Variants in CADM2 observed in about 807,000 individuals in gnomAD.
CADM2 encodes cell adhesion molecule 2, also known as immunoglobulin superfamily member 4D.
A neutral mutation model predicts 49.8 loss-of-function variants in CADM2; 12 were observed. That is an observed-to-expected ratio of 0.24 (90% CI 0.15 to 0.39). The LOEUF is 0.39. CADM2 is among the 10% of genes least tolerant of loss of function. CADM2 has a pLI of 1.00. For missense variants in CADM2, 378 were observed against 492.3 expected (o/e 0.77, Z 2.20); for synonymous variants, 214 against 175.4 (o/e 1.22, Z -1.74).
At chr3:84,988,829 T>C (rs1157425831) in intron 1 of CADM2, among the ~76,000 whole-genome samples, 1 of 152,204 alleles carries the variant, frequency 6.6e-6, no homozygotes, top group Non-Finnish European at 1.5e-5. Context: ...ACCTATAAAC[T>C]GTTTATTTAC....
chr3:85,624,043 A>G (rs2107499116), intron 1 of CADM2, among the ~76,000 whole-genome samples: 1 of 152,268 alleles, frequency 6.6e-6, no homozygotes, highest in South Asian at 2.1e-4. Context: ...ACTTTAAAAT[A>G]AAATATTCAT....
intron 1 of CADM2, among the ~76,000 whole-genome samples, chr3:85,238,516 A>G (rs1307416740): frequency 6.6e-6 from 1 of 151,918 alleles, no homozygotes; most frequent in Non-Finnish European, 1.5e-5. Flanking sequence ...CCCTTGGGAT[A>G]ATCTGTCTTT....
At chr3:85,977,309 A>G (rs1726914119) in intron 8 of CADM2, among the ~76,000 whole-genome samples, 1 of 151,426 alleles carries the variant, frequency 6.6e-6, no homozygotes, top group African/African-American at 2.4e-5. Flanking sequence ...TGATTATGTG[A>G]TAGGAAATAA....
intron 1 of CADM2, among the ~76,000 whole-genome samples, chr3:85,717,748 T>C (rs1053844633): frequency 6.6e-6 from 1 of 152,120 alleles, no homozygotes; most frequent in African/African-American, 2.4e-5. Flanking sequence ...GAGATAATCA[T>C]GTGGTTTTGT....
At chr3:85,071,007 TAAATAAATAAATAAAC>T (rs974843368) in intron 1 of CADM2, among the ~76,000 whole-genome samples, 2 of 150,062 alleles carry the variant, frequency 1.3e-5, no homozygotes, top group South Asian at 4.2e-4. Flanking sequence ...AATAAATAAA[TAAATAAATAAATAAAC>T]AAATAAATAA....
intron 1 of CADM2, among the ~76,000 whole-genome samples, chr3:85,675,612 C>T (rs2065868279): frequency 2.6e-5 from 4 of 152,148 alleles, no homozygotes. Context: ...CTCCGGGTAT[C>T]TTTTCTAGTA....
At chr3:85,437,574 G>C (rs764805728) in intron 1 of CADM2, among the ~76,000 whole-genome samples, 27 of 152,006 alleles carry the variant, frequency 1.8e-4, no homozygotes, top group Non-Finnish European at 2.8e-4. Flanking sequence ...TCTCACTGTT[G>C]TTTTAATTTA....
At chr3:85,369,343 TATA>T (rs2033027928) in intron 1 of CADM2, among the ~76,000 whole-genome samples, 1 of 152,190 alleles carries the variant, frequency 6.6e-6, no homozygotes. Context: ...CCCAGAAGAT[TATA>T]ATGAGGCCCG....
At chr3:85,142,855 A>G (rs1001099591) in intron 1 of CADM2, among the ~76,000 whole-genome samples, 4 of 152,208 alleles carry the variant, frequency 2.6e-5, no homozygotes, top group Non-Finnish European at 4.4e-5. Context: ...CGATGACCCT[A>G]ATGAACAGAT....
At chr3:85,414,600 C>A (rs191496309) in intron 1 of CADM2, among the ~76,000 whole-genome samples, 1 of 152,046 alleles carries the variant, frequency 6.6e-6, no homozygotes, top group African/African-American at 2.4e-5. Flanking sequence ...GTTCAATCCC[C>A]CAGTTTCAGT....
chr3:85,088,527 T>A (rs1246523355), intron 1 of CADM2, among the ~76,000 whole-genome samples: 1 of 152,098 alleles, frequency 6.6e-6, no homozygotes, highest in Admixed American at 6.6e-5. Flanking sequence ...TAAGATAATA[T>A]CCTCAGAATC....
chr3:85,290,310 T>C (rs1214187495), intron 1 of CADM2, among the ~76,000 whole-genome samples: 1 of 152,128 alleles, frequency 6.6e-6, no homozygotes, highest in East Asian at 1.9e-4. Context: ...TCTTGCTGAT[T>C]GCTAGCACAG....
intron 2 of CADM2, among the ~76,000 whole-genome samples, chr3:85,790,434 A>G (rs1018794738): frequency 2.0e-5 from 3 of 152,216 alleles, no homozygotes; most frequent in Non-Finnish European, 4.4e-5. Context: ...CTGGTCTGCT[A>G]TGAGCAGCCT....
intron 1 of CADM2, among the ~76,000 whole-genome samples, chr3:85,360,262 C>T (rs184621997): frequency 1.1e-3 from 174 of 152,062 alleles, no homozygotes; most frequent in African/African-American, 4.0e-3. Flanking sequence ...CTTATAATAC[C>T]AGTGAAACAT....
At chr3:86,030,922 C>T (rs1025409087) in intron 8 of CADM2, among the ~76,000 whole-genome samples, 1 of 151,722 alleles carries the variant, frequency 6.6e-6, no homozygotes, top group Non-Finnish European at 1.5e-5. Flanking sequence ...TTGTTTAAAA[C>T]ATTTTCTTCT....
At chr3:85,165,464 T>A (rs1182281859) in intron 1 of CADM2, among the ~76,000 whole-genome samples, 1 of 151,950 alleles carries the variant, frequency 6.6e-6, no homozygotes, top group African/African-American at 2.4e-5. Flanking sequence ...AGGCTTCACT[T>A]AAAAAATGTA....
At chr3:85,180,576 T>C (rs2107703480) in intron 1 of CADM2, among the ~76,000 whole-genome samples, 1 of 151,556 alleles carries the variant, frequency 6.6e-6, no homozygotes, top group East Asian at 1.9e-4. Context: ...TTCTCTCTTG[T>C]CCACTTCTAA....
chr3:85,065,867 T>C (rs1190186680), intron 1 of CADM2, among the ~76,000 whole-genome samples: 1 of 152,168 alleles, frequency 6.6e-6, no homozygotes, highest in Non-Finnish European at 1.5e-5. Context: ...ATATAATGAT[T>C]AACCTTCAAC....
intron 1 of CADM2, among the ~76,000 whole-genome samples, chr3:84,981,438 G>A (rs1295589393): frequency 3.9e-5 from 6 of 152,078 alleles, no homozygotes; most frequent in South Asian, 2.1e-4. Context: ...TGAATTGTAC[G>A]TTACTATTTA....
Sources: gnomAD v4.1 joint callset for allele counts (sites outside exome capture counted in the v4.1 genomes callset) on GRCh38, gnomAD v4.1.1 for gene constraint, MANE v1.5 for transcripts, NCBI Gene and HGNC (gene_info 2026-07-23, HGNC 2026-07-21) for gene names.